AP4E1: variants seen among roughly 807,000 people sequenced by gnomAD.
AP4E1 encodes the protein adaptor related protein complex 4 subunit epsilon 1.
A neutral mutation model predicts 128.2 loss-of-function variants in AP4E1; 56 were observed. The observed-to-expected ratio is 0.44, with a 90% confidence interval of 0.35 to 0.55. AP4E1 has a LOEUF of 0.55. Ranked by LOEUF, AP4E1 falls within the 20% of genes least tolerant of loss-of-function variation. AP4E1 has a pLI of 0.00. For synonymous variants in AP4E1, 484 were observed against 473.1 expected, an observed-to-expected ratio of 1.02 and a Z score of -0.30; for missense variants, 1,324 against 1,307.7, an observed-to-expected ratio of 1.01 and a Z score of -0.19.
intron 9 of AP4E1, 41 bp downstream of exon 9, chr15:50,941,605 C>T: frequency 1.2e-6 from 2 of 1,612,100 alleles, no homozygotes; most frequent in Admixed American, 1.7e-5. Flanking sequence ...ACAGAGATAG[C>T]TTTTGAAATT....
upstream of AP4E1, chr15:50,908,420 G>A (rs1395427627): frequency 1.6e-5 from 3 of 190,992 alleles, no homozygotes; most frequent in Non-Finnish European, 2.1e-5. Context: ...CGCGGAGGCG[G>A]CTAGTGGGAA....
chr15:50,917,016 G>A (rs936981830), intron 3 of AP4E1, among the ~76,000 whole-genome samples: 11 of 151,956 alleles, frequency 7.2e-5, no homozygotes, highest in Non-Finnish European at 1.3e-4. Flanking sequence ...TCATATTCAC[G>A]ATTTTCAGTT....
intron 5 of AP4E1, 89 bp downstream of exon 5, chr15:50,925,308 C>T: frequency 7.4e-7 from 1 of 1,356,790 alleles, no homozygotes; most frequent in South Asian, 1.2e-5. Context: ...TTCAGTGCTA[C>T]CAGGATAGAG....
At chr15:50,969,255 C>A (rs576063149) in intron 15 of AP4E1, among the ~76,000 whole-genome samples, 1 of 152,108 alleles carries the variant, frequency 6.6e-6, no homozygotes, top group South Asian at 2.1e-4. Context: ...CGAGAACATG[C>A]GGTATTTGGC....
rs189094843 is a variant in AP4E1, at chr15:50,926,811, C to T, written c.542+1592C>T. Among the ~76,000 whole-genome samples the T allele has an allele frequency of 9.8e-4, 148 of 151,384 alleles. 1 individual carries two copies. Among genetic ancestry groups the T allele is most frequent in the Admixed American group, 3.2e-3 (49 of 15,212 alleles). Reference sequence around the variant, plus strand: ...TTCACCATATAGGCCAAGCTGGTCTCGAACTCCTGACCTCGTGATCCACCT... The same window carrying T: ...TTCACCATATAGGCCAAGCTGGTCTTGAACTCCTGACCTCGTGATCCACCT... On this transcript the variant is annotated intron_variant, in intron 5 of 20. Coordinates refer to ENST00000261842, the MANE Select transcript of AP4E1 (RefSeq NM_007347.5).
intron 10 of AP4E1, among the ~76,000 whole-genome samples, chr15:50,942,209 G>T (rs189597271): frequency 1.3e-5 from 2 of 152,292 alleles, no homozygotes; most frequent in Non-Finnish European, 2.9e-5. Context: ...GAGCCACTGT[G>T]CCTGGCTTAT....
intron 1 of AP4E1, among the ~76,000 whole-genome samples, chr15:50,911,108 G>A (rs1026723935): frequency 2.0e-5 from 3 of 152,266 alleles, no homozygotes; most frequent in African/African-American, 4.8e-5. Context: ...GTATCAGTAC[G>A]TCACTAGTGG....
intron 10 of AP4E1, 105 bp from the exon 11 acceptor site, chr15:50,947,915 A>G: frequency 4.2e-6 from 4 of 953,578 alleles, no homozygotes; most frequent in Non-Finnish European, 6.2e-6. Context: ...GTAGATCTCC[A>G]TAAAAGTAGA....
chr15:50,942,890 A>G (rs1357730788), intron 10 of AP4E1, among the ~76,000 whole-genome samples: 1 of 152,028 alleles, frequency 6.6e-6, no homozygotes, highest in Non-Finnish European at 1.5e-5. Context: ...TTTAAAAAGA[A>G]TTTTTTAAAT....
intron 17 of AP4E1, among the ~76,000 whole-genome samples, chr15:50,996,645 T>C (rs772819697): frequency 2.6e-4 from 40 of 152,268 alleles, no homozygotes; most frequent in Admixed American, 7.2e-4. Context: ...TGATTCTAAA[T>C]AGAACTTTGC....
chr15:50,968,101 T>G (rs1360223967), intron 14 of AP4E1, among the ~76,000 whole-genome samples, 162 bp from the exon 15 acceptor site: 1 of 152,244 alleles, frequency 6.6e-6, no homozygotes, highest in African/African-American at 2.4e-5. Context: ...ATTACAGTCA[T>G]GAGCCACCAT....
rs552706556 is a variant in AP4E1 at position 50,950,199 on chromosome 15, T to G, written c.1548+30T>G. On this transcript the variant is annotated intron_variant, in intron 13 of 20. Transcript: ENST00000261842. ...GCAAAGTACCTTAAATCATAAATTTTTATAACATTTTTAATACAAACCAAA... is the reference window on the plus strand; with the variant it reads ...GCAAAGTACCTTAAATCATAAATTTGTATAACATTTTTAATACAAACCAAA... 2.9e-5 allele frequency: 42 copies of G among 1,425,112 alleles called. 2 individuals are homozygous for G. The South Asian group carries it at 4.8e-4, about 16-fold the overall frequency. The allele number at this position is 1,425,112 out of a possible 1,614,324, so 88.3% of individuals were successfully genotyped here.
At chr15:50,982,070 A>G (rs2064649813) in intron 15 of AP4E1, among the ~76,000 whole-genome samples, 1 of 141,022 alleles carries the variant, frequency 7.1e-6, no homozygotes, top group South Asian at 2.3e-4. Context: ...GGGCAATAAG[A>G]GCAAAACTCC....
Position 50,934,612 on chromosome 15 carries a change from T to A in AP4E1, c.870-12T>A. On this transcript the variant is annotated splice_polypyrimidine_tract_variant and intron_variant, in intron 7 of 20. Coordinates refer to ENST00000261842, the MANE Select transcript of AP4E1 (RefSeq NM_007347.5). Reference sequence around the variant, plus strand: ...CTATAATTCTACTGCAAATAAAATATCTTTTAAACAGGACAAGTGAATTAA... The same window carrying A: ...CTATAATTCTACTGCAAATAAAATAACTTTTAAACAGGACAAGTGAATTAA... 1 of 1,585,610 alleles carries A rather than the reference T, an allele frequency of 6.3e-7. No homozygotes were observed. The highest frequency in any genetic ancestry group is 8.7e-7 in the Non-Finnish European group (1 of 1,155,182).
chr15:50,945,128 G>T (rs967229041), intron 10 of AP4E1: 1 of 804,430 alleles, frequency 1.2e-6, no homozygotes, highest in Non-Finnish European at 2.3e-6. Context: ...CATTAGGAAA[G>T]ACAGTGTATA....
chr15:51,001,672 T>C (rs778804672), intron 20 of AP4E1, among the ~76,000 whole-genome samples: 2 of 152,226 alleles, frequency 1.3e-5, no homozygotes, highest in African/African-American at 4.8e-5. Context: ...TTGATCCATG[T>C]TGTAGAATGT....
intron 7 of AP4E1, among the ~76,000 whole-genome samples, chr15:50,931,969 T>G (rs549834338): frequency 2.8e-4 from 43 of 152,042 alleles, no homozygotes; most frequent in African/African-American, 1.0e-3. Flanking sequence ...TATATATACT[T>G]TCAATTTTGC....
At chr15:50,956,236 C>T (rs1414626739) in intron 13 of AP4E1, among the ~76,000 whole-genome samples, 1 of 152,078 alleles carries the variant, frequency 6.6e-6, no homozygotes, top group African/African-American at 2.4e-5. Flanking sequence ...CTGGAGCTAC[C>T]TTCCATTTTT....
chr15:50,927,909 C>G (rs1271114482), intron 5 of AP4E1, among the ~76,000 whole-genome samples: 1 of 152,116 alleles, frequency 6.6e-6, no homozygotes, highest in Admixed American at 6.5e-5. Context: ...GTTCTGAGCA[C>G]TGCCAGCATA....
Sources: gnomAD v4.1 joint callset for allele counts (sites outside exome capture counted in the v4.1 genomes callset) on GRCh38, gnomAD v4.1.1 for gene constraint, MANE v1.5 for transcripts, NCBI Gene and HGNC (gene_info 2026-07-23, HGNC 2026-07-21) for gene names.